Variants in XRN2 observed in about 807,000 individuals in gnomAD.
XRN2 encodes the protein 5'-3' exoribonuclease 2.
A neutral mutation model predicts 138.5 loss-of-function variants in XRN2; 44 were observed. The ratio of observed to expected loss-of-function variants is 0.32; its 90% CI spans 0.25 to 0.41. XRN2 has a LOEUF of 0.41. Among genes scored for constraint, XRN2 ranks in the 10% least tolerant of loss-of-function variants. The pLI is 1.00. For synonymous variants in XRN2, 354 were observed against 369.4 expected, an observed-to-expected ratio of 0.96 and a Z score of 0.48; for missense variants, 937 against 1,169.3, an observed-to-expected ratio of 0.80 and a Z score of 2.90.
chr20:21,378,493 T>C (rs1022937445), intron 27 of XRN2, among the ~76,000 whole-genome samples: 1 of 152,182 alleles, frequency 6.6e-6, no homozygotes, highest in African/African-American at 2.4e-5. Flanking sequence ...ACAGGTTTGG[T>C]CATTGCCCCA....
At chr20:21,337,805 G>A (rs556599749) in intron 13 of XRN2, among the ~76,000 whole-genome samples, 223 of 152,342 alleles carry the variant, frequency 1.5e-3, no homozygotes, top group Non-Finnish European at 2.5e-3. Flanking sequence ...CACATAGCAA[G>A]AGGGAAGGAG....
chr20:21,362,528 G>A (rs1248104649), intron 24 of XRN2, among the ~76,000 whole-genome samples: 1 of 152,168 alleles, frequency 6.6e-6, no homozygotes, highest in African/African-American at 2.4e-5. Flanking sequence ...CTTAGGCTCT[G>A]TTGGTGACCT....
At chr20:21,348,553 A>G in intron 19 of XRN2, 123 bp downstream of exon 19, 1 of 832,812 alleles carries the variant, frequency 1.2e-6, no homozygotes, top group Non-Finnish European at 1.9e-6. Context: ...TATGTTTTTT[A>G]CTCCAAACAC....
intron 15 of XRN2, among the ~76,000 whole-genome samples, chr20:21,343,187 A>G (rs1162904202): frequency 6.6e-6 from 1 of 152,128 alleles, no homozygotes; most frequent in Non-Finnish European, 1.5e-5. Flanking sequence ...ACAGAAGAAA[A>G]ACTTGACTGT....
intron 10 of XRN2, 41 bp downstream of exon 10, chr20:21,333,659 G>T: frequency 6.2e-7 from 1 of 1,613,918 alleles, no homozygotes; most frequent in African/African-American, 1.3e-5. Context: ...TCTAAAGCAG[G>T]GTGCCTTTGA....
chr20:21,345,607 T>A (rs1314337546), intron 16 of XRN2, among the ~76,000 whole-genome samples: 2 of 152,214 alleles, frequency 1.3e-5, no homozygotes, highest in East Asian at 3.8e-4. Flanking sequence ...AAATGTTAAA[T>A]CTTAGAGAAT....
intron 27 of XRN2, among the ~76,000 whole-genome samples, chr20:21,372,183 T>G (rs2038771307): frequency 6.6e-6 from 1 of 152,218 alleles, no homozygotes; most frequent in Admixed American, 6.5e-5. Flanking sequence ...TTGACTCAAC[T>G]GAGGATTAGT....
chr20:21,334,675 G>A (rs892350968), intron 13 of XRN2, among the ~76,000 whole-genome samples: 2 of 152,170 alleles, frequency 1.3e-5, no homozygotes, highest in East Asian at 1.9e-4. Flanking sequence ...AAATAGCAAA[G>A]CATTTGAAAA....
intron 17 of XRN2, 121 bp downstream of exon 17, chr20:21,346,671 G>A: frequency 1.6e-6 from 2 of 1,232,036 alleles, no homozygotes; most frequent in Non-Finnish European, 2.2e-6. Context: ...CTGGGCGGGA[G>A]GGCAATGGCG....
At chr20:21,315,522 C>G (rs1233103005) in intron 1 of XRN2, among the ~76,000 whole-genome samples, 1 of 152,024 alleles carries the variant, frequency 6.6e-6, no homozygotes, top group Non-Finnish European at 1.5e-5. Context: ...GACAGGGTTT[C>G]ACTCTTGTTA....
In XRN2 at chr20:21,377,006, C is replaced by T. The variant is rs115541783; in HGVS notation, c.2585-4988C>T. Reference sequence around the variant, plus strand: ...AAGAGTTGAATAGATTGATGGATTTCGATTGCTCTTGGTTATAAAAAAAAC... The same window carrying T: ...AAGAGTTGAATAGATTGATGGATTTTGATTGCTCTTGGTTATAAAAAAAAC... On this transcript the variant is annotated intron_variant, in intron 27 of 29. Coordinates refer to ENST00000377191, the MANE Select transcript of XRN2 (RefSeq NM_012255.5). Among the ~76,000 whole-genome samples the T allele has an allele frequency of 5.5e-3, 837 of 151,758 alleles. 9 individuals carry two copies. The highest frequency in any genetic ancestry group is 0.02 in the African/African-American group (805 of 41,136).
At chr20:21,314,817 A>G (rs771811481) in intron 1 of XRN2, among the ~76,000 whole-genome samples, 2 of 152,148 alleles carry the variant, frequency 1.3e-5, no homozygotes, top group African/African-American at 2.4e-5. Context: ...TTGCTTACCA[A>G]CTTGTCTGAG....
chr20:21,359,166 T>A (rs1337457859), intron 24 of XRN2, among the ~76,000 whole-genome samples: 1 of 152,162 alleles, frequency 6.6e-6, no homozygotes, highest in Non-Finnish European at 1.5e-5. Context: ...ATGATGATGA[T>A]GTTGGTTGGT....
intron 3 of XRN2, 121 bp downstream of exon 3, chr20:21,326,722 C>A: frequency 2.6e-6 from 2 of 759,358 alleles, no homozygotes; most frequent in South Asian, 1.9e-5. Context: ...AGAAAGAAAG[C>A]CTCATCCTTC....
At chr20:21,336,258 G>A (rs1350943429) in intron 13 of XRN2, among the ~76,000 whole-genome samples, 1 of 152,192 alleles carries the variant, frequency 6.6e-6, no homozygotes, top group Non-Finnish European at 1.5e-5. Flanking sequence ...TTAGGAGCTT[G>A]AGACCAGCCT....
At chr20:21,336,375 T>G (rs2122224112) in intron 13 of XRN2, among the ~76,000 whole-genome samples, 1 of 152,156 alleles carries the variant, frequency 6.6e-6, no homozygotes, top group Non-Finnish European at 1.5e-5. Context: ...GGCAGGAGAA[T>G]TGCTTGAACC....
At chr20:21,311,181 G>A (rs1202017433) in intron 1 of XRN2, among the ~76,000 whole-genome samples, 1 of 152,236 alleles carries the variant, frequency 6.6e-6, no homozygotes, top group East Asian at 1.9e-4. Flanking sequence ...TCAAATTGTT[G>A]TGCAACTGTC....
intron 3 of XRN2, among the ~76,000 whole-genome samples, chr20:21,327,756 G>C (rs965199740): frequency 2.6e-5 from 4 of 152,084 alleles, no homozygotes; most frequent in African/African-American, 9.7e-5. Flanking sequence ...CTTTGTACTT[G>C]AGAGGGCTTC....
intron 11 of XRN2, 29 bp downstream of exon 11, chr20:21,333,866 G>A (rs528981363): frequency 1.1e-5 from 18 of 1,613,906 alleles, no homozygotes; most frequent in Middle Eastern, 1.6e-4. Flanking sequence ...CTTTTCAAAC[G>A]ACTGTTTTAG....
Sources: gnomAD v4.1 joint callset for allele counts (sites outside exome capture counted in the v4.1 genomes callset) on GRCh38, gnomAD v4.1.1 for gene constraint, MANE v1.5 for transcripts, NCBI Gene and HGNC (gene_info 2026-07-23, HGNC 2026-07-21) for gene names.